Variants in ABCG2 observed in about 807,000 individuals in gnomAD.
The protein encoded by ABCG2 is ATP binding cassette subfamily G member 2 (JR blood group).
In ABCG2, 80 loss-of-function variants were observed where a neutral mutation model predicts 73.5. That is an observed-to-expected ratio of 1.09 (90% CI 0.91 to 1.31). The LOEUF is 1.31. Ranked by LOEUF, ABCG2 falls within the 50% of genes most tolerant of loss-of-function variation. ABCG2 has a pLI of 0.00. For missense variants in ABCG2, 796 were observed against 786.2 expected (o/e 1.01, Z -0.15); for synonymous variants, 269 against 282.4 (o/e 0.95, Z 0.48).
chr4:88,156,327 A>G (rs1451171081), intron 1 of ABCG2, among the ~76,000 whole-genome samples: 1 of 134,912 alleles, frequency 7.4e-6, no homozygotes, highest in East Asian at 2.6e-4. Context: ...GTGAGCCGAG[A>G]TCGTGCCACT....
In ABCG2 at chr4:88,113,532, G is replaced by T. The variant is rs1436485021; in HGVS notation, c.965C>A (p.Ser322Tyr). 6.2e-7 allele frequency: 1 copy of T among 1,614,100 alleles called. No individual in the cohort carries two copies. The highest frequency in any genetic ancestry group is 1.1e-5 in the South Asian group (1 of 91,070). ...DFKATEIIEP[S>Y]KQDKPLIEKL... is the part of the protein sequence containing the mutation. Reference sequence around the variant, plus strand: ...TTCTATGAGTGGCTTATCCTGCTTGGAAGGCTCTATGATCTCTGTGGCTTT... The same window carrying T: ...TTCTATGAGTGGCTTATCCTGCTTGTAAGGCTCTATGATCTCTGTGGCTTT... Residue 322 changes from serine to tyrosine, a missense_variant, in exon 9 of 16, where the codon TCC becomes TAC. Ser to Tyr is a moderately radical substitution (Grantham distance 144). Coordinates refer to ENST00000237612, the MANE Select transcript of ABCG2 (RefSeq NM_004827.3).
At position 88,131,118 on chromosome 4, in the gene ABCG2, GT is replaced by G. The variant is rs767454866; in HGVS notation, c.473del (p.Asn158ThrfsTer11). 3 of 1,613,806 alleles carry G rather than the reference GT, an allele frequency of 1.9e-6. No individual in the cohort carries two copies. The highest frequency in any genetic ancestry group is 2.5e-6 in the Non-Finnish European group (3 of 1,179,962). On this transcript the variant is annotated frameshift_variant, in exon 5 of 16. Coordinates refer to ENST00000237612, the MANE Select transcript of ABCG2 (RefSeq NM_004827.3). LOFTEE classifies it high-confidence loss of function. Reference sequence around the variant, plus strand: ...CTTGAATGACCCTGTTAATCCGTTCGTTTTTTTCATGATTCGTCATAGTTGT... The same window carrying G: ...CTTGAATGACCCTGTTAATCCGTTCGTTTTTTCATGATTCGTCATAGTTGT... ...LATTMTNHEK[N>X]ERINRVIQEL... is the part of the protein sequence containing the mutation.
intron 1 of ABCG2, among the ~76,000 whole-genome samples, chr4:88,221,156 CT>C (rs1326212166): frequency 4.6e-5 from 7 of 152,126 alleles, no homozygotes; most frequent in African/African-American, 1.7e-4. Context: ...GTAATCCCAG[CT>C]ACTAGGGAGG....
chr4:88,120,468 C>T lies in ABCG2; in HGVS notation c.689+1167G>A, dbSNP rs554395766. ...CAGCCACAAAAGGGGCTGTGCCCTGCAAATCCACAAGGCCAGAGCCTCCCA... is the reference window on the plus strand; with the variant it reads ...CAGCCACAAAAGGGGCTGTGCCCTGTAAATCCACAAGGCCAGAGCCTCCCA... On this transcript the variant is annotated intron_variant, in intron 6 of 15. Transcript: ENST00000237612. 5.3e-5 allele frequency among the ~76,000 whole-genome samples: 8 copies of T among 152,302 alleles called. No homozygotes were observed. In the South Asian group the frequency reaches 1.0e-3, roughly 20 times the overall value.
At chr4:88,114,312 T>C (rs925467965) in intron 8 of ABCG2, among the ~76,000 whole-genome samples, 2 of 152,130 alleles carry the variant, frequency 1.3e-5, no homozygotes, top group Non-Finnish European at 2.9e-5. Context: ...TCTTACCATA[T>C]AGTTCTAATT....
chr4:88,182,951 G>A (rs188725474), intron 1 of ABCG2, among the ~76,000 whole-genome samples: 3,251 of 151,860 alleles, frequency 0.021, 111 homozygotes, highest in African/African-American at 0.073. Flanking sequence ...TGGGCATGGC[G>A]GCGGGCACCT....
intron 2 of ABCG2, among the ~76,000 whole-genome samples, chr4:88,132,978 A>G (rs1220941639): frequency 2.0e-5 from 3 of 152,220 alleles, no homozygotes; most frequent in Non-Finnish European, 4.4e-5. Context: ...GTCAAGTCCT[A>G]CAAGAAAAAT....
At chr4:88,212,040 A>T (rs1729621226) in intron 1 of ABCG2, among the ~76,000 whole-genome samples, 1 of 152,138 alleles carries the variant, frequency 6.6e-6, no homozygotes, top group Admixed American at 6.5e-5. Flanking sequence ...CTATGTCCCA[A>T]TTTACACATA....
chr4:88,186,694 C>T (rs1045576047), intron 1 of ABCG2, among the ~76,000 whole-genome samples: 115 of 151,292 alleles, frequency 7.6e-4, no homozygotes, highest in African/African-American at 2.5e-3. Context: ...CCGAGGCGGG[C>T]GGATCACGAG....
At chr4:88,099,265 T>G in intron 12 of ABCG2, 59 bp downstream of exon 12, 1 of 1,452,882 alleles carries the variant, frequency 6.9e-7, no homozygotes, top group Non-Finnish European at 9.1e-7. Context: ...AAGGTGCAAC[T>G]GACTTCACCC....
chr4:88,177,801 T>A (rs1022493573), intron 1 of ABCG2, among the ~76,000 whole-genome samples: 18 of 152,070 alleles, frequency 1.2e-4, no homozygotes, highest in African/African-American at 4.1e-4. Flanking sequence ...GACTTCGCAT[T>A]GGAACTCAGT....
Position 88,230,308 on chromosome 4 carries a change from T to TATATATATATATATATA in ABCG2, c.-20+685_-20+686insTATATATATATATATAT, listed in dbSNP as rs746680651. 8.6e-3 allele frequency among the ~76,000 whole-genome samples: 823 copies of TATATATATATATATATA among 96,104 alleles called. 62 individuals are homozygous for TATATATATATATATATA. Among genetic ancestry groups the TATATATATATATATATA allele is most frequent in the Admixed American group, 0.026 (251 of 9,704 alleles). The allele number at this position is 96,104 out of a possible 152,430, so 63.0% of individuals were successfully genotyped here. ...CGCACCTGTTATATATATATATATA[T>TATATATATATATATATA]TTTTTTTTTTGGCCACATATATATA... is the stretch of plus-strand genomic sequence containing the variant. On this transcript the variant is annotated intron_variant, in intron 1 of 15. Transcript: ENST00000515655.
intron 1 of ABCG2, among the ~76,000 whole-genome samples, chr4:88,174,374 T>C (rs1025196491): frequency 7.2e-5 from 11 of 152,190 alleles, no homozygotes; most frequent in African/African-American, 2.7e-4. Context: ...CCTGTGTCCA[T>C]GTGTTCTCAC....
At chr4:88,120,586 CCCT>C (rs1442822158) in intron 6 of ABCG2, among the ~76,000 whole-genome samples, 1 of 152,140 alleles carries the variant, frequency 6.6e-6, no homozygotes, top group African/African-American at 2.4e-5. Context: ...ATTTGACTGC[CCCT>C]TTGGATTTCG....
At chr4:88,185,044 A>T (rs1163266209) in intron 1 of ABCG2, among the ~76,000 whole-genome samples, 7 of 152,202 alleles carry the variant, frequency 4.6e-5, no homozygotes, top group Admixed American at 4.6e-4. Flanking sequence ...CAAATATCAA[A>T]TCAAAATGGA....
At chr4:88,109,570 C>A (rs1208650186) in intron 9 of ABCG2, among the ~76,000 whole-genome samples, 1 of 152,158 alleles carries the variant, frequency 6.6e-6, no homozygotes, top group Non-Finnish European at 1.5e-5. Flanking sequence ...AGTGCACAGA[C>A]CCCATCTGCT....
chr4:88,126,086 A>G (rs1230845456), intron 5 of ABCG2, among the ~76,000 whole-genome samples: 1 of 152,206 alleles, frequency 6.6e-6, no homozygotes, highest in Non-Finnish European at 1.5e-5. Flanking sequence ...ATAAATAATG[A>G]TAAAGGGGAT....
intron 5 of ABCG2, among the ~76,000 whole-genome samples, chr4:88,126,246 G>A (rs1393674160): frequency 6.6e-6 from 1 of 152,262 alleles, no homozygotes; most frequent in East Asian, 1.9e-4. Context: ...GAATCACTGA[G>A]TGGACCAATA....
At chr4:88,158,914 G>C, upstream of ABCG2, 1 of 345,322 alleles carries the variant, frequency 2.9e-6, no homozygotes. Context: ...GAACGCAGTG[G>C]CCCCTCCCCA....
Sources: gnomAD v4.1 joint callset for allele counts (sites outside exome capture counted in the v4.1 genomes callset) on GRCh38, gnomAD v4.1.1 for gene constraint, MANE v1.5 for transcripts, NCBI Gene and HGNC (gene_info 2026-07-23, HGNC 2026-07-21) for gene names.